The following SLC5A12 variants were observed in gnomAD, a reference collection of about 807,000 sequenced individuals.
SLC5A12 encodes the protein sodium-coupled monocarboxylate transporter 2.
In SLC5A12, 46 loss-of-function variants were observed where a neutral mutation model predicts 72.7. The observed-to-expected ratio is 0.63, with a 90% CI of 0.50 to 0.81. The LOEUF (loss-of-function observed/expected upper bound fraction) is 0.81. Ranked by LOEUF, SLC5A12 falls within the 30% of genes least tolerant of loss-of-function variation. The pLI, the probability that SLC5A12 is intolerant of heterozygous loss-of-function variation, is 0.00. For synonymous variants in SLC5A12, 275 were observed against 264.4 expected (o/e 1.04, Z -0.39); for missense variants, 683 against 740.7 (o/e 0.92, Z 0.90).
chr11:26,699,468 G>A (rs925248792), intron 6 of SLC5A12, among the ~76,000 whole-genome samples: 4 of 152,076 alleles, frequency 2.6e-5, no homozygotes, highest in African/African-American at 7.2e-5. Context: ...AGGCAAATAC[G>A]CCAGATAATT....
chr11:26,703,234 C>T (rs1855000673), intron 6 of SLC5A12, among the ~76,000 whole-genome samples: 1 of 151,966 alleles, frequency 6.6e-6, no homozygotes, highest in Admixed American at 6.6e-5. Flanking sequence ...GCATTGCCAC[C>T]CACAGTACCT....
chr11:26,685,902 G>A (rs1381610526), intron 10 of SLC5A12, among the ~76,000 whole-genome samples: 1 of 152,194 alleles, frequency 6.6e-6, no homozygotes, highest in Non-Finnish European at 1.5e-5. Context: ...GGAATTGGGA[G>A]TTGTGAGTTC....
chr11:26,703,166 T>C (rs1854999341), intron 6 of SLC5A12, among the ~76,000 whole-genome samples: 1 of 152,152 alleles, frequency 6.6e-6, no homozygotes, highest in Non-Finnish European at 1.5e-5. Flanking sequence ...AGAAAAATAA[T>C]AGTTGAAAAG....
Position 26,704,018 on chromosome 11 carries a change from T to C in SLC5A12, c.526-71A>G, listed in dbSNP as rs1855026983. 7 of 1,498,528 alleles carry C rather than the reference T, an allele frequency of 4.7e-6. No individual in the cohort carries two copies. The East Asian group carries it at 1.4e-4, about 29-fold the overall frequency. 92.8% of individuals were successfully genotyped at this position (1,498,528 alleles called of 1,614,324 possible). ...CTGTACTGGCTCTGCAAAGCCTCTC[T>C]GCTAATGCATGCATGCATTCTTTTG... On this transcript the variant is annotated intron_variant, in intron 4 of 14. Coordinates refer to ENST00000396005, the MANE Select transcript of SLC5A12 (RefSeq NM_178498.4).
At chr11:26,672,864 C>T (rs1854175644) in intron 14 of SLC5A12, among the ~76,000 whole-genome samples, 1 of 152,110 alleles carries the variant, frequency 6.6e-6, no homozygotes, top group African/African-American at 2.4e-5. Flanking sequence ...CCTGTACATT[C>T]CCACCATGAC....
intron 8 of SLC5A12, among the ~76,000 whole-genome samples, chr11:26,696,779 T>A (rs191384113): frequency 6.6e-6 from 1 of 152,270 alleles, no homozygotes; most frequent in East Asian, 1.9e-4. Context: ...TGTAGCCAAA[T>A]GAATGAGAAG....
chr11:26,681,301 CCTT>C (rs1590711359), intron 11 of SLC5A12, 80 bp from the exon 12 acceptor site: 2 of 1,177,994 alleles, frequency 1.7e-6, no homozygotes, highest in Non-Finnish European at 2.3e-6. Flanking sequence ...GAGTTCTATG[CCTT>C]AGAGATTCTG....
At chr11:26,720,925 G>C (rs1590746705) in intron 1 of SLC5A12, among the ~76,000 whole-genome samples, 1 of 152,160 alleles carries the variant, frequency 6.6e-6, no homozygotes, top group African/African-American at 2.4e-5. Context: ...TAGAGATACA[G>C]AAAAAATTAG....
chr11:26,712,138 T>C (rs1855243657), intron 2 of SLC5A12, among the ~76,000 whole-genome samples: 1 of 152,050 alleles, frequency 6.6e-6, no homozygotes, highest in Middle Eastern at 3.4e-3. Context: ...ATGGGCAAAT[T>C]TGGAGCAGCA....
At chr11:26,681,934 G>A (rs1479470010) in intron 11 of SLC5A12, among the ~76,000 whole-genome samples, 2 of 151,878 alleles carry the variant, frequency 1.3e-5, no homozygotes, top group Non-Finnish European at 2.9e-5. Context: ...AAGAGGCCTT[G>A]GTAAGAGTTC....
At chr11:26,721,250 A>G (rs1167995685) in intron 1 of SLC5A12, 126 bp downstream of exon 1, 1 of 758,968 alleles carries the variant, frequency 1.3e-6, no homozygotes, top group African/African-American at 1.8e-5. Flanking sequence ...TTTTACAAAA[A>G]CATTTTAATG....
At chr11:26,708,097 C>A (rs768379362) in intron 4 of SLC5A12, among the ~76,000 whole-genome samples, 3 of 152,036 alleles carry the variant, frequency 2.0e-5, no homozygotes, top group Non-Finnish European at 4.4e-5. Context: ...AACACTCCTT[C>A]CAAATATCAG....
At chr11:26,718,938 T>C (rs987899508) in intron 1 of SLC5A12, among the ~76,000 whole-genome samples, 3 of 152,192 alleles carry the variant, frequency 2.0e-5, no homozygotes, top group African/African-American at 4.8e-5. Context: ...GCAAAAATAG[T>C]AAATATTTTA....
chr11:26,698,593 GGTCAT>G lies in SLC5A12; in HGVS notation c.822-63_822-59del, dbSNP rs558335022. 2,670 of 1,545,068 alleles carry G rather than the reference GGTCAT, an allele frequency of 1.7e-3. 9 individuals carry two copies. The highest frequency in any genetic ancestry group is 2.0e-3 in the Non-Finnish European group (2,321 of 1,138,796). On this transcript the variant is annotated intron_variant, in intron 6 of 14. Coordinates refer to ENST00000396005, the MANE Select transcript of SLC5A12 (RefSeq NM_178498.4). Reference sequence around the variant, plus strand: ...TGTATACCATATCATACTGTGGTGAGGTCATTACCAGGTACTCAAGGTAAAGGGTT... The same window carrying G: ...TGTATACCATATCATACTGTGGTGAGTACCAGGTACTCAAGGTAAAGGGTT...
chr11:26,706,092 A>G (rs1855083675), intron 4 of SLC5A12, among the ~76,000 whole-genome samples: 1 of 152,036 alleles, frequency 6.6e-6, no homozygotes, highest in South Asian at 2.1e-4. Flanking sequence ...GGATGGCAAC[A>G]AACACTTTCT....
chr11:26,701,932 T>G (rs1167242919), intron 6 of SLC5A12, among the ~76,000 whole-genome samples: 1 of 152,128 alleles, frequency 6.6e-6, no homozygotes, highest in African/African-American at 2.4e-5. Context: ...GAAAAATGAT[T>G]AAAAAGACAC....
At chr11:26,697,284 TAAAA>T (rs929100489) in intron 7 of SLC5A12, 32 bp from the exon 8 acceptor site, 2 of 1,551,740 alleles carry the variant, frequency 1.3e-6, no homozygotes, top group African/African-American at 2.8e-5. Context: ...AAAAAATAAA[TAAAA>T]AGAAGAAAGA....
chr11:26,713,567 G>T (rs997134831), intron 1 of SLC5A12, among the ~76,000 whole-genome samples: 1 of 152,086 alleles, frequency 6.6e-6, no homozygotes, highest in African/African-American at 2.4e-5. Flanking sequence ...GAAAGCATCA[G>T]CCCAATTGCT....
rs71449136 is a variant in SLC5A12 at position 26,671,047 on chromosome 11, TTGTG to T, written c.*51_*54del. On this transcript the variant is annotated 3_prime_UTR_variant, in exon 15 of 15. Coordinates refer to ENST00000396005, the MANE Select transcript of SLC5A12 (RefSeq NM_178498.4). ...CAAGTAGGCAAGAAGTATGTGGAGT[TTGTG>T]TGTGTGTGTGTGTATTGCACGTGTG... 520 of 1,350,878 alleles carry T rather than the reference TTGTG, an allele frequency of 3.8e-4. No individual in the cohort carries two copies. Among genetic ancestry groups the T allele is most frequent in the Admixed American group, 1.4e-3 (67 of 46,920 alleles). The allele number at this position is 1,350,878 out of a possible 1,614,324, so 83.7% of individuals were successfully genotyped here. A position where few individuals can be genotyped will look rare whatever the true frequency, so the allele number is the denominator to read the frequency against.
Sources: gnomAD v4.1 joint callset for allele counts (sites outside exome capture counted in the v4.1 genomes callset) on GRCh38, gnomAD v4.1.1 for gene constraint, MANE v1.5 for transcripts, NCBI Gene and HGNC (gene_info 2026-07-23, HGNC 2026-07-21) for gene names.